Variants in ITGB5 observed in about 807,000 individuals in gnomAD.
ITGB5 encodes integrin subunit beta 5, also known as integrin beta-5.
ITGB5 carries 38 observed loss-of-function variants against 84.8 expected under a neutral mutation model. The ratio of observed to expected loss-of-function variants is 0.45; its 90% CI spans 0.35 to 0.59. The LOEUF is 0.59. ITGB5 is among the 20% of genes least tolerant of loss of function. The pLI is 0.01. For missense variants in ITGB5, 905 were observed against 1,034.5 expected (o/e 0.87, Z 1.72); for synonymous variants, 393 against 414.4 (o/e 0.95, Z 0.63).
intron 1 of ITGB5, among the ~76,000 whole-genome samples, chr3:124,883,919 G>A (rs1199324785): frequency 6.6e-6 from 1 of 152,118 alleles, no homozygotes; most frequent in Non-Finnish European, 1.5e-5. Flanking sequence ...GGTGGGGACG[G>A]GAGGGGGTTG....
At chr3:124,793,800 C>T (rs774263569) in intron 10 of ITGB5, among the ~76,000 whole-genome samples, 15 of 152,242 alleles carry the variant, frequency 9.9e-5, no homozygotes, top group Non-Finnish European at 2.1e-4. Context: ...GCATGCTTGG[C>T]ATGTTGAATC....
At chr3:124,805,624 T>A (rs1281424029) in intron 9 of ITGB5, among the ~76,000 whole-genome samples, 1 of 152,138 alleles carries the variant, frequency 6.6e-6, no homozygotes, top group African/African-American at 2.4e-5. Context: ...GCTAATTTTT[T>A]ATTTTCTGTA....
At chr3:124,812,821 TC>T (rs760586870) in intron 8 of ITGB5, among the ~76,000 whole-genome samples, 12 of 152,152 alleles carry the variant, frequency 7.9e-5, no homozygotes, top group Non-Finnish European at 1.6e-4. Flanking sequence ...TCCATTTTGC[TC>T]CCTCCTCAGC....
intron 9 of ITGB5, among the ~76,000 whole-genome samples, chr3:124,801,092 A>C (rs1402864820): frequency 3.3e-5 from 5 of 152,152 alleles, no homozygotes; most frequent in Non-Finnish European, 1.5e-5. Flanking sequence ...CTCAACAAAA[A>C]AGGAGCTGGG....
chr3:124,833,463 G>A (rs1481514307), intron 5 of ITGB5, among the ~76,000 whole-genome samples: 4 of 152,170 alleles, frequency 2.6e-5, no homozygotes, highest in Non-Finnish European at 5.9e-5. Flanking sequence ...AATCCCAGAG[G>A]ATAGAGACTT....
intron 2 of ITGB5, among the ~76,000 whole-genome samples, chr3:124,859,913 T>C (rs763066510): frequency 3.0e-4 from 45 of 152,280 alleles, no homozygotes; most frequent in Middle Eastern, 6.8e-3. Context: ...TGAGACCTCC[T>C]CTCTAAAAAT....
intron 5 of ITGB5, among the ~76,000 whole-genome samples, chr3:124,829,111 GA>G (rs1483668001): frequency 6.6e-6 from 1 of 152,128 alleles, no homozygotes; most frequent in African/African-American, 2.4e-5. Context: ...CTATAATTCA[GA>G]AAAACATCAT....
intron 9 of ITGB5, among the ~76,000 whole-genome samples, chr3:124,798,259 G>T (rs1327242155): frequency 1.3e-5 from 2 of 151,830 alleles, no homozygotes; most frequent in Admixed American, 6.6e-5. Context: ...CACCATGTTG[G>T]CCAGGATGGT....
chr3:124,842,407 T>C (rs992530022), intron 4 of ITGB5, among the ~76,000 whole-genome samples: 1 of 152,134 alleles, frequency 6.6e-6, no homozygotes, highest in African/African-American at 2.4e-5. Flanking sequence ...CTAGAACTAA[T>C]AAAGTTGGAA....
intron 3 of ITGB5, among the ~76,000 whole-genome samples, chr3:124,852,538 C>A (rs571034888): frequency 1.3e-5 from 2 of 151,966 alleles, no homozygotes; most frequent in African/African-American, 4.8e-5. Context: ...CCACTGTAAT[C>A]GGGTATCAAC....
intron 1 of ITGB5, among the ~76,000 whole-genome samples, chr3:124,877,416 A>G (rs1189587545): frequency 1.3e-5 from 2 of 152,184 alleles, no homozygotes; most frequent in Admixed American, 1.3e-4. Flanking sequence ...GGGAAAAAAA[A>G]TAAATCTAGA....
At chr3:124,793,256 T>A (rs1414062027) in intron 10 of ITGB5, among the ~76,000 whole-genome samples, 1 of 152,170 alleles carries the variant, frequency 6.6e-6, no homozygotes, top group Non-Finnish European at 1.5e-5. Flanking sequence ...CCAGGCTGCA[T>A]GGACACACGC....
Position 124,763,398 on chromosome 3 carries a change from C to G in ITGB5, c.*225G>C. 1 of 375,758 alleles carries G rather than the reference C, an allele frequency of 2.7e-6. No homozygotes were observed. Among genetic ancestry groups the G allele is most frequent in the Non-Finnish European group, 4.9e-6 (1 of 205,894 alleles). 23.3% of individuals were successfully genotyped at this position (375,758 alleles called of 1,614,324 possible). Reference sequence around the variant, plus strand: ...AGCGCCAAGGTCCCCTTGCTTTATCCCAAGCTCGGAGGGACGCAGCCTGGC... The same window carrying G: ...AGCGCCAAGGTCCCCTTGCTTTATCGCAAGCTCGGAGGGACGCAGCCTGGC... On this transcript the variant is annotated 3_prime_UTR_variant, in exon 15 of 15. Transcript: ENST00000296181.
At chr3:124,882,725 A>G (rs545679683) in intron 1 of ITGB5, among the ~76,000 whole-genome samples, 35 of 152,310 alleles carry the variant, frequency 2.3e-4, no homozygotes, top group African/African-American at 7.5e-4. Flanking sequence ...AGAATAACTA[A>G]AGAGAACAAG....
chr3:124,796,814 A>C lies in ITGB5; in HGVS notation c.1267T>G (p.Ser423Ala). Residue 423 changes from serine to alanine, a missense_variant, in exon 10 of 15, where the codon TCT (serine) becomes GCT (alanine). By Grantham distance (99) the Ser-to-Ala change is moderately conservative. Around this residue, in one of 3 missense-constraint regions of ITGB5, gnomAD observed 656 missense variants for 734.7 expected, o/e 0.89. Coordinates refer to ENST00000296181, the MANE Select transcript of ITGB5 (RefSeq NM_002213.5). ...CGGGCCTCCAATGATACTTCAAAAG[A>C]TGCCTGGGCAGAAGGAAGAGAAGGG... ...CEGLKIGDTA[S>A]FEVSLEARSC... The C allele has an allele frequency of 6.3e-7, 1 of 1,595,270 alleles. No homozygotes were observed. The highest frequency in any genetic ancestry group is 1.3e-5 in the African/African-American group (1 of 74,714).
intron 1 of ITGB5, among the ~76,000 whole-genome samples, chr3:124,874,526 G>C (rs78580697): frequency 0.024 from 3,643 of 152,168 alleles, 164 homozygotes; most frequent in African/African-American, 0.081. Flanking sequence ...ACAAAAGTTT[G>C]TATGAAACCC....
At chr3:124,853,783 T>C (rs1366001150) in intron 3 of ITGB5, among the ~76,000 whole-genome samples, 4 of 152,188 alleles carry the variant, frequency 2.6e-5, no homozygotes, top group Admixed American at 1.3e-4. Context: ...TTTTGTTATA[T>C]TAAGATGCTA....
At chr3:124,894,176 A>G in intron 1 of ITGB5, among the ~76,000 whole-genome samples, 1 of 117,560 alleles carries the variant, frequency 8.5e-6, no homozygotes, top group East Asian at 2.9e-4. Context: ...GCTGTCACCC[A>G]GGCTGGAGTG....
chr3:124,796,431 G>C lies in ITGB5; in HGVS notation c.1650C>G (p.Cys550Trp). ...TGTTCCTGGCACAGGAGAAGTTGTC[G>C]CACTCACAGAAAGGCCCATAGATCT... ...FGKIYGPFCE[C>W]DNFSCARNKG... The change falls in exon 10 of 15, where the codon TGC becomes TGG. Residue 550 changes from cysteine to tryptophan, a missense_variant. Coordinates refer to ENST00000296181, the MANE Select transcript of ITGB5 (RefSeq NM_002213.5). The C allele has an allele frequency of 1.2e-6, 2 of 1,613,862 alleles. No homozygotes were observed. The highest frequency in any genetic ancestry group is 8.5e-7 in the Non-Finnish European group (1 of 1,179,886).
Sources: gnomAD v4.1 joint callset for allele counts (sites outside exome capture counted in the v4.1 genomes callset) on GRCh38, gnomAD v4.1.1 for gene constraint, gnomAD v4.1.1 regional missense constraint, MANE v1.5 for transcripts, NCBI Gene and HGNC (gene_info 2026-07-23, HGNC 2026-07-21) for gene names.